Variants in CIB2 observed in about 807,000 individuals in gnomAD.
CIB2 encodes the protein calcium and integrin-binding family member 2.
Under a neutral mutation model 23.1 loss-of-function variants are expected in CIB2, and 19 were observed. That is an observed-to-expected ratio of 0.82 (90% confidence interval 0.57 to 1.21). CIB2 has a LOEUF of 1.21. CIB2 is among the 50% of genes most tolerant of loss of function. The pLI is 0.00. For synonymous variants in CIB2, 94 were observed against 91.7 expected (o/e 1.03, Z -0.14); for missense variants, 220 against 241.5 (o/e 0.91, Z 0.59).
intron 4 of CIB2, among the ~76,000 whole-genome samples, chr15:78,106,543 C>G (rs1200587708): frequency 6.6e-6 from 1 of 152,190 alleles, no homozygotes; most frequent in African/African-American, 2.4e-5. Flanking sequence ...TGATTCTACC[C>G]AGCAAAAGGC....
chr15:78,106,521 G>A (rs955490100), intron 4 of CIB2, among the ~76,000 whole-genome samples: 1 of 152,200 alleles, frequency 6.6e-6, no homozygotes, highest in Non-Finnish European at 1.5e-5. Context: ...ACACAGAGCA[G>A]GGAACATGGT....
In CIB2 at chr15:78,123,755, A is replaced by T; in HGVS notation, c.52-16T>A. 1.2e-6 allele frequency: 2 copies of T among 1,614,030 alleles called. No homozygotes were observed. Among genetic ancestry groups the T allele is most frequent in the Non-Finnish European group, 1.7e-6 (2 of 1,179,920 alleles). On this transcript the variant is annotated splice_polypyrimidine_tract_variant and intron_variant, in intron 1 of 5. Coordinates refer to ENST00000258930, the MANE Select transcript of CIB2 (RefSeq NM_006383.4). ...AGGTGCAGTCCTGTTGAGGGAAAAC[A>T]CACAACACACAGTCAGTGTGCGGCT...
At chr15:78,112,165 C>T (rs1033088205) in intron 2 of CIB2, among the ~76,000 whole-genome samples, 20 of 152,180 alleles carry the variant, frequency 1.3e-4, no homozygotes, top group African/African-American at 2.4e-4. Flanking sequence ...CCTTCCTCCC[C>T]GCCCCCTGCC....
At position 78,109,659 on chromosome 15, in the gene CIB2, A is replaced by C. The variant is rs11072729; in HGVS notation, c.199-277T>G. 113,374 of 481,900 alleles carry C rather than the reference A, an allele frequency of 0.24. 14,714 individuals are homozygous for C. The highest frequency in any genetic ancestry group is 0.27 in the Non-Finnish European group (70,197 of 261,840). 29.9% of individuals were successfully genotyped at this position (481,900 alleles called of 1,614,324 possible). A position where few individuals can be genotyped will look rare whatever the true frequency, so the allele number is the denominator to read the frequency against. ...GTCATGTCACATCATTAAGATGGGC[A>C]CAGCCAGGGACAGTGGTGCACGCCT... On this transcript the variant is annotated intron_variant, in intron 3 of 5. Transcript: ENST00000258930.
At chr15:78,111,403 T>G (rs112045476) in intron 2 of CIB2, 127 bp from the exon 3 acceptor site, 2 of 690,210 alleles carry the variant, frequency 2.9e-6, no homozygotes. Flanking sequence ...AAGGGGCCAA[T>G]GGGAGGCTCT....
Position 78,105,116 on chromosome 15 carries a change from C to T in CIB2, c.*195G>A. ...GTCCCGGGGCTGGACCACAGCGGGG[C>T]TGTGGGAAGGGTCCTAACCTTCACA... On this transcript the variant is annotated 3_prime_UTR_variant, in exon 6 of 6. Coordinates refer to ENST00000258930, the MANE Select transcript of CIB2 (RefSeq NM_006383.4). The T allele has an allele frequency of 1.4e-6, 1 of 704,050 alleles. No individual in the cohort carries two copies. Among genetic ancestry groups the T allele is most frequent in the Non-Finnish European group, 2.3e-6 (1 of 435,416 alleles). 43.6% of individuals were successfully genotyped at this position (704,050 alleles called of 1,614,324 possible).
At position 78,109,198 on chromosome 15, in the gene CIB2, A is replaced by ACC. The variant is rs11390540; in HGVS notation, c.346+35_346+36dup. The ACC allele has an allele frequency of 0.32, 414,612 of 1,302,542 alleles. 80,215 individuals carry two copies. Among genetic ancestry groups the ACC allele is most frequent in the Non-Finnish European group, 0.35 (322,091 of 932,470 alleles). The allele number at this position is 1,302,542 out of a possible 1,614,324, so 80.7% of individuals were successfully genotyped here. A position where few individuals can be genotyped will look rare whatever the true frequency, so the allele number is the denominator to read the frequency against. Reference sequence around the variant, plus strand: ...GCCTAAGGGCCCCACATGTTCCCCCACCGCATATTCAGGCCCCCTCCTCTA... The same window carrying ACC: ...GCCTAAGGGCCCCACATGTTCCCCCACCCCGCATATTCAGGCCCCCTCCTCTA... On this transcript the variant is annotated intron_variant, in intron 4 of 5. Coordinates refer to ENST00000258930, the MANE Select transcript of CIB2 (RefSeq NM_006383.4).
intron 4 of CIB2, 35 bp downstream of exon 4, chr15:78,109,200 C>CCGGGGGGGGGGGG: frequency 8.6e-7 from 1 of 1,159,172 alleles, no homozygotes; most frequent in Non-Finnish European, 1.2e-6. Context: ...GTTCCCCCAC[C>CCGGGGGGGGGGGG]GCATATTCAG....
At chr15:78,106,990 A>G (rs2074080777) in intron 4 of CIB2, among the ~76,000 whole-genome samples, 2 of 152,068 alleles carry the variant, frequency 1.3e-5, no homozygotes, top group African/African-American at 2.4e-5. Context: ...GCACTTTGCG[A>G]GTCCGAGGTG....
At position 78,131,201 on chromosome 15, in the gene CIB2, C is replaced by T. The variant is rs972843105; in HGVS notation, c.15G>A (p.Gln5=). MGNK[Q]TIFTEEQLDN... ...CTAGCTGCTCTTCGGTGAAGATGGT[C>T]TGCTTGTTCCCCATGGTGGCCGCCG... The change falls in exon 1 of 6, where the codon CAG becomes CAA. Residue 5 remains glutamine (Q), a synonymous_variant. Coordinates refer to ENST00000258930, the MANE Select transcript of CIB2 (RefSeq NM_006383.4). This position sits in a 1 kb window ranked among gnomAD's most constrained non-coding sequence, Gnocchi z 5.8. 6 of 1,569,458 alleles carry T rather than the reference C, an allele frequency of 3.8e-6. No individual in the cohort carries two copies. In the South Asian group the frequency reaches 5.7e-5, roughly 15 times the overall value.
chr15:78,108,379 A>G (rs531237513), intron 4 of CIB2, among the ~76,000 whole-genome samples: 22 of 152,092 alleles, frequency 1.4e-4, no homozygotes, highest in African/African-American at 5.1e-4. Context: ...AGGCATCTCA[A>G]CTGAGGTCTA....
intron 2 of CIB2, among the ~76,000 whole-genome samples, chr15:78,116,046 T>C (rs560666146): frequency 3.3e-5 from 5 of 152,296 alleles, no homozygotes; most frequent in Admixed American, 3.3e-4. Flanking sequence ...AGATTTTTTT[T>C]CTTGTCATTA....
chr15:78,118,527 T>C (rs963939020), intron 2 of CIB2, among the ~76,000 whole-genome samples: 2 of 147,100 alleles, frequency 1.4e-5, no homozygotes, highest in Non-Finnish European at 3.0e-5. Context: ...AGGCAGAGGT[T>C]GCAGTGAGCC....
intron 2 of CIB2, 76 bp from the exon 3 acceptor site, chr15:78,111,352 A>C: frequency 8.4e-7 from 1 of 1,196,512 alleles, no homozygotes; most frequent in Middle Eastern, 2.3e-4. Context: ...TGTCCTGCCT[A>C]GGCCTCTGCC....
intron 2 of CIB2, among the ~76,000 whole-genome samples, chr15:78,114,775 C>CAAA (rs781254176): frequency 1.0e-4 from 7 of 66,926 alleles, no homozygotes; most frequent in Admixed American, 3.7e-4. Context: ...CATGTCTCTA[C>CAAA]AAAAAAAAAA....
At chr15:78,109,185 C>T in intron 4 of CIB2, 50 bp downstream of exon 4, 1 of 1,441,192 alleles carries the variant, frequency 6.9e-7, no homozygotes, top group Non-Finnish European at 9.4e-7. Context: ...CTAAGGGCCC[C>T]ACATGTTCCC....
In CIB2 at chr15:78,105,037, A is replaced by C; in HGVS notation, c.*274T>G. 2 of 458,888 alleles carry C rather than the reference A, an allele frequency of 4.4e-6. No homozygotes were observed. The highest frequency in any genetic ancestry group is 3.8e-5 in the East Asian group (1 of 25,984). 28.4% of individuals were successfully genotyped at this position (458,888 alleles called of 1,614,324 possible). A position where few individuals can be genotyped will look rare whatever the true frequency, so the allele number is the denominator to read the frequency against. Reference sequence around the variant, plus strand: ...GGGGGGTGGGGAGCATTTCTGGAGTAGGAAAGGACTGGGGCATGGGGCGGG... The same window carrying C: ...GGGGGGTGGGGAGCATTTCTGGAGTCGGAAAGGACTGGGGCATGGGGCGGG... On this transcript the variant is annotated 3_prime_UTR_variant, in exon 6 of 6. Transcript: ENST00000258930.
chr15:78,105,271 G>C lies in CIB2; in HGVS notation c.*40C>G, dbSNP rs778674736. 1 of 1,613,500 alleles carries C rather than the reference G, an allele frequency of 6.2e-7. No individual in the cohort carries two copies. On this transcript the variant is annotated 3_prime_UTR_variant, in exon 6 of 6. Transcript: ENST00000258930. ...CCACACCCATGTGACTGCAGGGCAGGATGGTGGACTTCTAGGCCCCTACAG... is the reference window on the plus strand; with the variant it reads ...CCACACCCATGTGACTGCAGGGCAGCATGGTGGACTTCTAGGCCCCTACAG...
Position 78,131,128 on chromosome 15 carries a change from CG to C in CIB2, c.51+36del. 6.9e-7 allele frequency: 1 copy of C among 1,453,638 alleles called. No homozygotes were observed. 90.0% of individuals were successfully genotyped at this position (1,453,638 alleles called of 1,614,324 possible). On this transcript the variant is annotated intron_variant, in intron 1 of 5. Transcript: ENST00000258930. This position sits in a 1 kb window ranked among gnomAD's most constrained non-coding sequence, Gnocchi z 5.8. The stretch of plus-strand genomic sequence containing the variant: ...AGAAAAGGGAGGGGCGGCGGGGCGG[CG>C]GGGCCTGTGTTGGGGGCCGGGCGCG...
Sources: gnomAD v4.1 joint callset for allele counts (sites outside exome capture counted in the v4.1 genomes callset) on GRCh38, gnomAD v4.1.1 for gene constraint, Gnocchi (gnomAD v3.1) non-coding constraint, MANE v1.5 for transcripts, NCBI Gene and HGNC (gene_info 2026-07-23, HGNC 2026-07-21) for gene names.